The following CPLANE1 variants were observed in gnomAD, a reference collection of about 807,000 sequenced individuals.
The protein encoded by CPLANE1 is ciliogenesis and planar polarity effector complex subunit 1.
CPLANE1 carries 263 observed loss-of-function variants against 362.5 expected under a neutral mutation model. That is an observed-to-expected ratio of 0.73 (90% CI 0.66 to 0.80). The LOEUF (loss-of-function observed/expected upper bound fraction) is 0.80. Ranked by LOEUF, CPLANE1 falls within the 30% of genes least tolerant of loss-of-function variation. The pLI, the probability that CPLANE1 is intolerant of heterozygous loss-of-function variation, is 0.00. For synonymous variants in CPLANE1, 1,212 were observed against 1,302.6 expected (o/e 0.93, Z 1.50); for missense variants, 3,461 against 3,793.4 (o/e 0.91, Z 2.30).
chr5:37,153,281 C>T (rs1056125280), intron 42 of CPLANE1, among the ~76,000 whole-genome samples: 1 of 151,990 alleles, frequency 6.6e-6, no homozygotes, highest in Admixed American at 6.6e-5. Context: ...TGAATTCTAC[C>T]AAACATTTAA....
chr5:37,100,284 T>C, the CPLANE1 span, among the ~76,000 whole-genome samples: 1 of 152,222 alleles, frequency 6.6e-6, no homozygotes, highest in Non-Finnish European at 1.5e-5. Flanking sequence ...TTAATTTTTG[T>C]ATAAGGTATA....
intron 16 of CPLANE1, chr5:37,211,769 A>C (rs930200958): frequency 6.3e-6 from 5 of 790,640 alleles, no homozygotes; most frequent in African/African-American, 1.7e-5. Flanking sequence ...ACTGGAGACA[A>C]AATGAACTTC....
At chr5:37,225,943 A>C (rs1023764168) in intron 12 of CPLANE1, among the ~76,000 whole-genome samples, 20 of 152,218 alleles carry the variant, frequency 1.3e-4, no homozygotes, top group African/African-American at 4.8e-4. Context: ...CGAGACTAAG[A>C]AAATATGTAT....
chr5:37,209,516 T>C lies in CPLANE1; in HGVS notation c.2921-3091A>G. 7.8e-7 allele frequency: 1 copy of C among 1,278,052 alleles called. No individual in the cohort carries two copies. The highest frequency in any genetic ancestry group is 1.1e-6 in the Non-Finnish European group (1 of 875,008). 79.2% of individuals were successfully genotyped at this position (1,278,052 alleles called of 1,614,324 possible). On this transcript the variant is annotated intron_variant, in intron 16 of 52. Coordinates refer to ENST00000651892, the MANE Select transcript of CPLANE1 (RefSeq NM_001384732.1). The surrounding 1 kb of genome is among the most constrained non-coding windows in gnomAD (Gnocchi z 4.6). ...AGCTAATTCATGAGTTAATGCACCCTGTATTGAGTGGAGAACTGCAACCTC... is the reference window on the plus strand; with the variant it reads ...AGCTAATTCATGAGTTAATGCACCCCGTATTGAGTGGAGAACTGCAACCTC...
At position 37,107,157 on chromosome 5, in the gene CPLANE1, A is replaced by G. The variant is rs1338025995; in HGVS notation, c.*445T>C. ...AAACCCTGCATAGGTGTTTTAAAAT[A>G]GGGTTCATAATTGAGTTCTCAGGTG... On this transcript the variant is annotated 3_prime_UTR_variant, in exon 53 of 53. Transcript: ENST00000651892. The G allele has an allele frequency of 3.0e-6, 3 of 985,564 alleles. No homozygotes were observed. The highest frequency in any genetic ancestry group is 3.6e-6 in the Non-Finnish European group (3 of 830,082). 61.1% of individuals were successfully genotyped at this position (985,564 alleles called of 1,614,324 possible).
chr5:37,188,515 G>A (rs1407416962), intron 21 of CPLANE1, among the ~76,000 whole-genome samples: 2 of 152,192 alleles, frequency 1.3e-5, no homozygotes, highest in African/African-American at 4.8e-5. Flanking sequence ...TTTGAGACCA[G>A]CCTCCATGTT....
In CPLANE1 at chr5:37,208,679, C is replaced by A. The variant is rs1490872968; in HGVS notation, c.2921-2254G>T. Among the ~76,000 whole-genome samples the A allele has an allele frequency of 4.9e-3, 552 of 113,622 alleles. 4 individuals are homozygous for A. Among genetic ancestry groups the A allele is most frequent in the Non-Finnish European group, 7.6e-3 (405 of 53,602 alleles). The allele number at this position is 113,622 out of a possible 152,430, so 74.5% of individuals were successfully genotyped here. On this transcript the variant is annotated intron_variant, in intron 16 of 52. Transcript: ENST00000651892. ...GCGATAGAGCAAGACTCTGTCTCCC[C>A]CCCCCCCCAAAAAAAAAAAAGAGTT... is the stretch of plus-strand genomic sequence containing the variant.
At position 37,167,044 on chromosome 5, in the gene CPLANE1, T is replaced by C. The variant is rs781500091; in HGVS notation, c.7400+3A>G. Reference sequence around the variant, plus strand: ...ATCAAATAAAATTTCACTTAAGCCTTGCCTTTTTTTACTGTCCTTTCCTTG... The same window carrying C: ...ATCAAATAAAATTTCACTTAAGCCTCGCCTTTTTTTACTGTCCTTTCCTTG... On this transcript the variant is annotated splice_donor_region_variant and intron_variant, in intron 35 of 52. Transcript: ENST00000651892. 1.9e-6 allele frequency: 3 copies of C among 1,602,722 alleles called. No individual in the cohort carries two copies. In the East Asian group the frequency reaches 6.7e-5, roughly 36 times the overall value.
At chr5:37,165,481 C>T in intron 36 of CPLANE1, 58 bp downstream of exon 36, 4 of 1,552,802 alleles carry the variant, frequency 2.6e-6, no homozygotes, top group Non-Finnish European at 3.5e-6. Context: ...ACCACAAAGA[C>T]ATACCAAACT....
chr5:37,159,268 C>T (rs1438403903), intron 38 of CPLANE1, among the ~76,000 whole-genome samples: 6 of 149,216 alleles, frequency 4.0e-5, no homozygotes, highest in Admixed American at 4.0e-4. Context: ...CCCGCCACCG[C>T]GCCCGGCTAA....
intron 34 of CPLANE1, among the ~76,000 whole-genome samples, chr5:37,167,592 C>T (rs1469262244): frequency 1.3e-5 from 2 of 152,164 alleles, no homozygotes; most frequent in African/African-American, 4.8e-5. Context: ...GCCTGACCAA[C>T]ATGGTGAAAC....
intron 18 of CPLANE1, among the ~76,000 whole-genome samples, chr5:37,203,289 A>G (rs1465431533): frequency 2.0e-5 from 3 of 152,178 alleles, no homozygotes; most frequent in Admixed American, 6.5e-5. Flanking sequence ...TACGGTATGT[A>G]GTCTTCGTTC....
rs974124930 is a variant in CPLANE1, at chr5:37,245,077, C to T, written c.337+402G>A. 1.3e-4 allele frequency among the ~76,000 whole-genome samples: 20 copies of T among 150,930 alleles called. No homozygotes were observed. The East Asian group carries it at 1.8e-3, about 13-fold the overall frequency. On this transcript the variant is annotated intron_variant, in intron 4 of 52. Coordinates refer to ENST00000651892, the MANE Select transcript of CPLANE1 (RefSeq NM_001384732.1). Reference sequence around the variant, plus strand: ...TGAGGCAGGAGAATGGCGTGGACCCCGGAGGCGAGTGAGCTGAGATCCCAC... The same window carrying T: ...TGAGGCAGGAGAATGGCGTGGACCCTGGAGGCGAGTGAGCTGAGATCCCAC...
In CPLANE1 at chr5:37,226,338, G is replaced by C. The variant is rs1203230774; in HGVS notation, c.2257C>G (p.Gln753Glu). 3.2e-6 allele frequency: 5 copies of C among 1,540,360 alleles called. No individual in the cohort carries two copies. The East Asian group carries it at 7.4e-5, about 23-fold the overall frequency. ...GGCTGTTGCACAGGATTTACTACTT[G>C]AGGATGAATCTTGAAAAATGAGTTC... The part of the protein sequence containing the change: ...SWNSFFKIHP[Q>E]VVNPVQQPGH... The change falls in exon 12 of 53, where the codon CAA becomes GAA. Residue 753 changes from glutamine to glutamate, a missense_variant. Physicochemically the swap from Gln to Glu is conservative, Grantham distance 29. Coordinates refer to ENST00000651892, the MANE Select transcript of CPLANE1 (RefSeq NM_001384732.1).
chr5:37,127,649 G>A (rs1029751692), intron 46 of CPLANE1, among the ~76,000 whole-genome samples: 1 of 150,778 alleles, frequency 6.6e-6, no homozygotes, highest in Admixed American at 6.7e-5. Flanking sequence ...CTCCCGAGTA[G>A]CTGAGATTAC....
At chr5:37,139,055 T>C (rs898014647) in intron 45 of CPLANE1, among the ~76,000 whole-genome samples, 1 of 152,106 alleles carries the variant, frequency 6.6e-6, no homozygotes, top group Non-Finnish European at 1.5e-5. Context: ...AAAGGAAACA[T>C]ATGGTCCAGA....
intron 4 of CPLANE1, 101 bp downstream of exon 4, chr5:37,245,378 T>A: frequency 4.9e-6 from 3 of 618,084 alleles, no homozygotes; most frequent in Non-Finnish European, 4.3e-6. Context: ...CATATGCACA[T>A]ACACAGAAAT....
chr5:37,084,582 C>T, the CPLANE1 span, among the ~76,000 whole-genome samples: 3 of 151,800 alleles, frequency 2.0e-5, no homozygotes, highest in Non-Finnish European at 4.4e-5. Flanking sequence ...GTTTGTGAGA[C>T]CAGCCTGACC....
intron 32 of CPLANE1, among the ~76,000 whole-genome samples, chr5:37,170,798 T>A (rs1779595182): frequency 6.6e-6 from 1 of 152,102 alleles, no homozygotes; most frequent in Non-Finnish European, 1.5e-5. Flanking sequence ...TAGCTGGGTG[T>A]GGTGGCACGG....
Sources: gnomAD v4.1 joint callset for allele counts (sites outside exome capture counted in the v4.1 genomes callset) on GRCh38, gnomAD v4.1.1 for gene constraint, Gnocchi (gnomAD v3.1) non-coding constraint, MANE v1.5 for transcripts, NCBI Gene and HGNC (gene_info 2026-07-23, HGNC 2026-07-21) for gene names.